Variants in PTPRC observed in about 807,000 individuals in gnomAD.
The protein encoded by PTPRC is receptor-type tyrosine-protein phosphatase C.
PTPRC carries 44 observed loss-of-function variants against 155.9 expected under a neutral mutation model. The ratio of observed to expected loss-of-function variants is 0.28; its 90% CI spans 0.22 to 0.36. PTPRC has a LOEUF of 0.36. Ranked by LOEUF, PTPRC falls within the 10% of genes least tolerant of loss-of-function variation. The probability of loss-of-function intolerance (pLI) is 1.00; values close to 1 mark genes in which losing one functional copy is unlikely to be tolerated. For synonymous variants in PTPRC, 525 were observed against 533.1 expected, an observed-to-expected ratio of 0.98 and a Z score of 0.21; for missense variants, 1,401 against 1,564.6, an observed-to-expected ratio of 0.90 and a Z score of 1.76.
Position 198,704,525 on chromosome 1 carries a change from T to TA in PTPRC, c.685+28dup, listed in dbSNP as rs371111014. On this transcript the variant is annotated intron_variant, in intron 8 of 32. Transcript: ENST00000442510. ...TAAGTTTATTTACTTAGAATCAGCA[T>TA]ACCTCACTTTGGAATAGCACTTTAA... The TA allele has an allele frequency of 1.3e-4, 202 of 1,614,012 alleles. No homozygotes were observed. The Middle Eastern group carries it at 5.0e-3, about 40-fold the overall frequency.
chr1:198,735,380 T>C, intron 23 of PTPRC, 128 bp downstream of exon 23: 1 of 915,634 alleles, frequency 1.1e-6, no homozygotes, highest in South Asian at 1.8e-5. Context: ...GGATGAAAGC[T>C]GTGGTTAGAA....
intron 17 of PTPRC, among the ~76,000 whole-genome samples, chr1:198,729,901 A>G (rs936919672): frequency 6.6e-6 from 1 of 152,094 alleles, no homozygotes; most frequent in Non-Finnish European, 1.5e-5. Flanking sequence ...GGAGTGGTGG[A>G]GGGACGAGTG....
chr1:198,755,960 G>A lies in PTPRC; in HGVS notation c.3700G>A (p.Gly1234Arg). The change falls in exon 33 of 33, where the codon GGA becomes AGA. Residue 1234 changes from glycine to arginine, a missense_variant. This residue lies in a region of PTPRC where 400 missense variants were observed against 389.5 expected (regional missense o/e 1.03). Transcript: ENST00000442510. ...VIASTYPAQN[G>R]QVKKNNHQED... ...TGCCAGCACCTACCCTGCTCAGAAT[G>A]GACAAGTAAAGAAAAACAACCATCA... 6.2e-7 allele frequency: 1 copy of A among 1,612,876 alleles called. No individual in the cohort carries two copies. Among genetic ancestry groups the A allele is most frequent in the Non-Finnish European group, 8.5e-7 (1 of 1,179,266 alleles).
chr1:198,712,957 A>G lies in PTPRC; in HGVS notation c.1176A>G (p.Pro392=), dbSNP rs1352544945. The change falls in exon 12 of 33, where the codon CCA becomes CCG. Residue 392 remains proline, a synonymous_variant. Coordinates refer to ENST00000442510, the MANE Select transcript of PTPRC (RefSeq NM_002838.5). The stretch of plus-strand genomic sequence containing the variant: ...ACATTCTTATTCTTTTAACAGGTCC[A>G]GGAGAGCCTCAGATTATTTTTTGTA... The part of the protein sequence containing the change: ...SKIIKTDFGS[P]GEPQIIFCRS... The G allele has an allele frequency of 6.2e-7, 1 of 1,612,164 alleles. No individual in the cohort carries two copies. Among genetic ancestry groups the G allele is most frequent in the African/African-American group, 1.3e-5 (1 of 74,866 alleles).
Position 198,748,042 on chromosome 1 carries a change from T to C in PTPRC, c.2848-67T>C, listed in dbSNP as rs905876929. On this transcript the variant is annotated intron_variant, in intron 26 of 32. Transcript: ENST00000442510. ...ATGAAATGCTTTTCCTTAGGGAGCA[T>C]CTTATGATGCAATAAGCCAATATTT... 2.6e-6 allele frequency: 4 copies of C among 1,544,962 alleles called. No homozygotes were observed. The Admixed American group carries it at 7.8e-5, about 30-fold the overall frequency.
chr1:198,704,725 A>T (rs1666639711), intron 8 of PTPRC, among the ~76,000 whole-genome samples: 2 of 152,190 alleles, frequency 1.3e-5, no homozygotes, highest in Admixed American at 1.3e-4. Flanking sequence ...AGGGAGGAAG[A>T]CAAGGGTTGG....
chr1:198,733,035 C>T (rs1433177234), intron 20 of PTPRC, among the ~76,000 whole-genome samples: 1 of 151,744 alleles, frequency 6.6e-6, no homozygotes, highest in Non-Finnish European at 1.5e-5. Flanking sequence ...AGCAGACATT[C>T]CTCATCAACA....
intron 15 of PTPRC, among the ~76,000 whole-genome samples, chr1:198,726,965 T>C (rs1326293372): frequency 1.3e-5 from 2 of 151,552 alleles, no homozygotes; most frequent in Non-Finnish European, 2.9e-5. Flanking sequence ...TCGGTTCAAG[T>C]GATTCTCATC....
At chr1:198,702,589 A>C in intron 6 of PTPRC, 59 bp downstream of exon 6, 1 of 1,588,078 alleles carries the variant, frequency 6.3e-7, no homozygotes, top group South Asian at 1.1e-5. Context: ...GGAAACTCAA[A>C]ACTTTAATGT....
chr1:198,696,655 T>C, intron 3 of PTPRC, 57 bp from the exon 4 acceptor site: 1 of 1,429,294 alleles, frequency 7.0e-7, no homozygotes, highest in Non-Finnish European at 9.9e-7. Flanking sequence ...GAGCATACAT[T>C]TAGGGTATGA....
intron 2 of PTPRC, among the ~76,000 whole-genome samples, chr1:198,667,894 G>T (rs990257987): frequency 1.4e-4 from 21 of 152,192 alleles, no homozygotes; most frequent in African/African-American, 4.3e-4. Context: ...CAAGAGAAAA[G>T]ATTGAGATAA....
chr1:198,661,458 AATAG>A (rs1244433563), intron 2 of PTPRC, among the ~76,000 whole-genome samples: 3 of 151,746 alleles, frequency 2.0e-5, no homozygotes, highest in South Asian at 2.1e-4. Flanking sequence ...CTGTCTGAAT[AATAG>A]ATAGCTGGAT....
chr1:198,736,457 G>A (rs1169084110), intron 23 of PTPRC, among the ~76,000 whole-genome samples: 1 of 151,578 alleles, frequency 6.6e-6, no homozygotes. Context: ...TTCTGTGTCT[G>A]GCTTATTTCA....
chr1:198,689,082 T>A (rs571542435), intron 2 of PTPRC, among the ~76,000 whole-genome samples: 1 of 152,312 alleles, frequency 6.6e-6, no homozygotes, highest in East Asian at 1.9e-4. Flanking sequence ...AATTATTCTT[T>A]AAAAAAGTAA....
intron 2 of PTPRC, among the ~76,000 whole-genome samples, chr1:198,691,954 T>A (rs900278405): frequency 6.6e-6 from 1 of 152,086 alleles, no homozygotes; most frequent in Non-Finnish European, 1.5e-5. Context: ...ATTATATCCC[T>A]AGCATGTGGC....
At chr1:198,679,398 T>C (rs1036494378) in intron 2 of PTPRC, among the ~76,000 whole-genome samples, 7 of 1,630 alleles carry the variant, frequency 4.3e-3, no homozygotes, top group Non-Finnish European at 0.028. Context: ...GCCCAGCTAT[T>C]TTTTTTTTTT....
chr1:198,662,523 A>G (rs372210709), intron 2 of PTPRC, among the ~76,000 whole-genome samples: 2 of 151,494 alleles, frequency 1.3e-5, no homozygotes, highest in South Asian at 4.2e-4. Flanking sequence ...TATATACACA[A>G]ATGTCAATAT....
At chr1:198,709,395 T>G (rs1411896320) in intron 10 of PTPRC, among the ~76,000 whole-genome samples, 3 of 152,068 alleles carry the variant, frequency 2.0e-5, no homozygotes, top group Admixed American at 1.3e-4. Flanking sequence ...ACTTGTGTCC[T>G]CTTCCCAATA....
At chr1:198,712,854 G>A (rs545544922) in intron 11 of PTPRC, 99 bp from the exon 12 acceptor site, 1 of 1,276,342 alleles carries the variant, frequency 7.8e-7, no homozygotes, top group Non-Finnish European at 1.1e-6. Flanking sequence ...TTCATCATTT[G>A]TCAAAATATG....
Sources: allele counts gnomAD v4.1 joint callset (sites outside exome capture counted in the v4.1 genomes callset), GRCh38; gene constraint gnomAD v4.1.1; regional missense constraint gnomAD v4.1.1; transcripts MANE v1.5; gene names NCBI Gene and HGNC (gene_info 2026-07-23, HGNC 2026-07-21).